CCT8: variants seen among roughly 807,000 people sequenced by gnomAD.
CCT8 encodes the protein chaperonin containing TCP1 subunit 8.
Under a neutral mutation model 65.7 loss-of-function variants are expected in CCT8, and 10 were observed. The observed-to-expected ratio is 0.15, with a 90% confidence interval of 0.09 to 0.26. The LOEUF (loss-of-function observed/expected upper bound fraction) is 0.26, where lower values mean the gene tolerates loss of function less well. CCT8 is among the 10% of genes least tolerant of loss of function. The pLI is 1.00. For synonymous variants in CCT8, 199 were observed against 221.8 expected (o/e 0.90, Z 0.92); for missense variants, 568 against 669.1 (o/e 0.85, Z 1.67).
At chr21:29,060,418 C>T in intron 14 of CCT8, 123 bp downstream of exon 14, 1 of 967,992 alleles carries the variant, frequency 1.0e-6, no homozygotes, top group Non-Finnish European at 1.5e-6. Context: ...CATAGTATCT[C>T]TAATAGGTGA....
intron 1 of CCT8, chr21:29,073,305 G>A (rs774535000): frequency 3.9e-5 from 54 of 1,396,202 alleles, no homozygotes; most frequent in Non-Finnish European, 4.7e-5. Context: ...AATGTCGATC[G>A]TGCCGCCGAT....
intron 13 of CCT8, 91 bp from the exon 14 acceptor site, chr21:29,060,751 G>T: frequency 7.5e-7 from 1 of 1,336,264 alleles, no homozygotes; most frequent in Non-Finnish European, 1.1e-6. Flanking sequence ...TCCTTAAATA[G>T]TACTGGAAAG....
intron 14 of CCT8, 44 bp from the exon 15 acceptor site, chr21:29,056,596 C>A (rs757708879): frequency 8.1e-7 from 1 of 1,237,618 alleles, no homozygotes; most frequent in Non-Finnish European, 1.1e-6. Context: ...ATCAACTTAA[C>A]CTTTAGAATG....
intron 13 of CCT8, among the ~76,000 whole-genome samples, chr21:29,060,889 T>G (rs2085555641): frequency 6.6e-6 from 1 of 152,226 alleles, no homozygotes; most frequent in African/African-American, 2.4e-5. Flanking sequence ...TGTTTGGATA[T>G]AATCTATGCA....
chr21:29,072,002 T>C, intron 1 of CCT8: 1 of 693,176 alleles, frequency 1.4e-6, no homozygotes, highest in Admixed American at 2.1e-5. Context: ...TTGTTGTTGT[T>C]GTTGTTTTAA....
chr21:29,065,953 T>G (rs1431790484), intron 6 of CCT8, among the ~76,000 whole-genome samples: 1 of 151,822 alleles, frequency 6.6e-6, no homozygotes, highest in Non-Finnish European at 1.5e-5. Context: ...CATGGTGGCA[T>G]GCACCTGTAA....
rs1568913900 is a variant in CCT8, at chr21:29,066,778, CTGT to C, written c.563-4_563-2del. 6.2e-7 allele frequency: 1 copy of C among 1,604,648 alleles called. No individual in the cohort carries two copies. The highest frequency in any genetic ancestry group is 8.5e-7 in the Non-Finnish European group (1 of 1,175,226). On this transcript the variant is annotated splice_acceptor_variant and splice_polypyrimidine_tract_variant and intron_variant, in intron 5 of 14. Transcript: ENST00000286788. LOFTEE classifies it high-confidence loss of function. Reference sequence around the variant, plus strand: ...TGGCCGGAATCAGGAAAAATAGATACTGTTAAGAAAATGAGACATATCAAAAGA... The same window carrying C: ...TGGCCGGAATCAGGAAAAATAGATACTAAGAAAATGAGACATATCAAAAGA...
Position 29,073,397 on chromosome 21 carries a change from T to A in CCT8, c.60+134A>T, listed in dbSNP as rs1601099846. 2.0e-6 allele frequency: 3 copies of A among 1,499,096 alleles called. No homozygotes were observed. In the East Asian group the frequency reaches 7.0e-5, roughly 35 times the overall value. 92.9% of individuals were successfully genotyped at this position (1,499,096 alleles called of 1,614,324 possible). On this transcript the variant is annotated intron_variant, in intron 1 of 14. Coordinates refer to ENST00000286788, the MANE Select transcript of CCT8 (RefSeq NM_006585.4). Reference sequence around the variant, plus strand: ...GAGCCCTTCCAAAATCACCTCCCTTTCTGGAATCTTCTCTTCCCCCGGCCG... The same window carrying A: ...GAGCCCTTCCAAAATCACCTCCCTTACTGGAATCTTCTCTTCCCCCGGCCG...
Position 29,065,030 on chromosome 21 carries a change from C to A in CCT8, c.700G>T (p.Val234Phe). The change falls in exon 7 of 15, where the codon GTC becomes TTC. Residue 234 changes from valine to phenylalanine, a missense_variant. Coordinates refer to ENST00000286788, the MANE Select transcript of CCT8 (RefSeq NM_006585.4). ...KKETEGDVTS[V>F]KDAKIAVYSC... is the part of the protein sequence containing the mutation. ...TACACTGCTATTTTTGCATCTTTGACAGATGTTACATCACCTTCGGTTTCC... is the reference window on the plus strand; with the variant it reads ...TACACTGCTATTTTTGCATCTTTGAAAGATGTTACATCACCTTCGGTTTCC... 1 of 1,613,544 alleles carries A rather than the reference C, an allele frequency of 6.2e-7. No individual in the cohort carries two copies. Among genetic ancestry groups the A allele is most frequent in the Non-Finnish European group, 8.5e-7 (1 of 1,179,502 alleles).
Position 29,066,937 on chromosome 21 carries a change from T to C in CCT8, c.516A>G (p.Gln172=). ...TGGCCAGAAATACTTCATTACCATA[T>C]TGTTTACTCATTATGGAGGTACGAA... ...SLLRTSIMSK[Q]YGNEVFLAKL... is the part of the protein sequence containing the mutation. Residue 172 remains glutamine (Q), a synonymous_variant, in exon 5 of 15, where the codon CAA becomes CAG. Coordinates refer to ENST00000286788, the MANE Select transcript of CCT8 (RefSeq NM_006585.4). The C allele has an allele frequency of 6.2e-7, 1 of 1,612,932 alleles. No individual in the cohort carries two copies. The highest frequency in any genetic ancestry group is 1.1e-5 in the South Asian group (1 of 91,034).
At chr21:29,073,423 C>G (rs2085706251) in intron 1 of CCT8, 108 bp downstream of exon 1, 3 of 1,563,562 alleles carry the variant, frequency 1.9e-6, no homozygotes, top group Non-Finnish European at 2.6e-6. Flanking sequence ...CCCCCGGCCG[C>G]TGAGCCAGGG....
intron 7 of CCT8, among the ~76,000 whole-genome samples, chr21:29,064,061 G>A (rs1484494185): frequency 6.6e-6 from 1 of 152,144 alleles, no homozygotes; most frequent in African/African-American, 2.4e-5. Context: ...GCCCGGCCGA[G>A]AAGTGCTTTT....
At position 29,056,536 on chromosome 21, in the gene CCT8, G is replaced by C. The variant is rs764480542; in HGVS notation, c.1586C>G (p.Pro529Arg). 6 of 1,556,448 alleles carry C rather than the reference G, an allele frequency of 3.9e-6. No individual in the cohort carries two copies. The East Asian group carries it at 1.4e-4, about 36-fold the overall frequency. Residue 529 changes from proline (P) to arginine (R), a missense_variant, in exon 15 of 15, where the codon CCA (proline) becomes CGA (arginine). Physicochemically the swap from Pro to Arg is moderately radical, Grantham distance 103. Coordinates refer to ENST00000286788, the MANE Select transcript of CCT8 (RefSeq NM_006585.4). ...LRVDQIIMAK[P>R]AGGPKPPSGK... ...ACTTGGAGGCTTGGGCCCACCAGCTGGTTTTGCCATGATGATCTGCATAAA... is the reference window on the plus strand; with the variant it reads ...ACTTGGAGGCTTGGGCCCACCAGCTCGTTTTGCCATGATGATCTGCATAAA...
At chr21:29,067,907 C>T (rs1293377537) in intron 3 of CCT8, among the ~76,000 whole-genome samples, 4 of 152,182 alleles carry the variant, frequency 2.6e-5, no homozygotes, top group Non-Finnish European at 5.9e-5. Flanking sequence ...ACAAATGTAT[C>T]ACTATAAATA....
At chr21:29,070,360 A>G in intron 1 of CCT8, 23 bp from the exon 2 acceptor site, 1 of 1,482,384 alleles carries the variant, frequency 6.7e-7, no homozygotes, top group Non-Finnish European at 9.3e-7. Context: ...ACAAACAAAA[A>G]ACCCCGCTAA....
intron 5 of CCT8, 25 bp from the exon 6 acceptor site, chr21:29,066,802 A>C: frequency 1.3e-6 from 2 of 1,592,278 alleles, no homozygotes; most frequent in South Asian, 2.3e-5. Flanking sequence ...AGACATATCA[A>C]AAGATTATTT....
chr21:29,068,015 T>C (rs2085642828), intron 3 of CCT8, among the ~76,000 whole-genome samples: 1 of 152,124 alleles, frequency 6.6e-6, no homozygotes, highest in African/African-American at 2.4e-5. Flanking sequence ...AACAAAGTAA[T>C]TACAACCACC....
chr21:29,071,171 C>T (rs2085675574), intron 1 of CCT8, among the ~76,000 whole-genome samples: 1 of 152,102 alleles, frequency 6.6e-6, no homozygotes, highest in Non-Finnish European at 1.5e-5. Flanking sequence ...TGAAAGCAAT[C>T]AAAATAAACT....
chr21:29,065,946 G>A (rs1432837362), intron 6 of CCT8, among the ~76,000 whole-genome samples: 1 of 151,946 alleles, frequency 6.6e-6, no homozygotes, highest in Non-Finnish European at 1.5e-5. Flanking sequence ...AGCTGGACAT[G>A]GTGGCATGCA....
Sources: allele counts gnomAD v4.1 joint callset (sites outside exome capture counted in the v4.1 genomes callset), GRCh38; gene constraint gnomAD v4.1.1; transcripts MANE v1.5; gene names NCBI Gene and HGNC (gene_info 2026-07-23, HGNC 2026-07-21).